FNBP1L: variants seen among roughly 807,000 people sequenced by gnomAD.
FNBP1L encodes formin-binding protein 1-like.
A neutral mutation model predicts 91.2 loss-of-function variants in FNBP1L; 36 were observed. That is an observed-to-expected ratio of 0.39 (90% CI 0.30 to 0.52). FNBP1L has a LOEUF of 0.52. Among genes scored for constraint, FNBP1L ranks in the 20% least tolerant of loss-of-function variants. The pLI, the probability that FNBP1L is intolerant of heterozygous loss-of-function variation, is 0.66. For missense variants in FNBP1L, 571 were observed against 732.1 expected (o/e 0.78, Z 2.54); for synonymous variants, 242 against 237.0 (o/e 1.02, Z -0.19).
intron 10 of FNBP1L, among the ~76,000 whole-genome samples, chr1:93,536,870 A>T (rs1671868233): frequency 6.6e-6 from 1 of 152,122 alleles, no homozygotes; most frequent in Non-Finnish European, 1.5e-5. Context: ...TTTATAAAAT[A>T]TTATTTTATT....
intron 6 of FNBP1L, 82 bp downstream of exon 6, chr1:93,529,838 C>A: frequency 1.2e-6 from 1 of 805,022 alleles, no homozygotes; most frequent in Non-Finnish European, 2.0e-6. Context: ...TGTATGACTA[C>A]AGTATTAGGA....
At chr1:93,459,632 A>G (rs1471175282) in intron 1 of FNBP1L, among the ~76,000 whole-genome samples, 1 of 152,230 alleles carries the variant, frequency 6.6e-6, no homozygotes, top group African/African-American at 2.4e-5. Flanking sequence ...GGGAATGTAA[A>G]TTAGTGCAGC....
intron 16 of FNBP1L, chr1:93,551,802 C>G: frequency 1.0e-6 from 1 of 985,316 alleles, no homozygotes; most frequent in Non-Finnish European, 1.2e-6. Context: ...TTGAGGTTAG[C>G]TGGTAATTTT....
intron 1 of FNBP1L, among the ~76,000 whole-genome samples, chr1:93,489,592 C>T (rs574012269): frequency 2.1e-4 from 32 of 151,606 alleles, no homozygotes; most frequent in Admixed American, 5.3e-4. Flanking sequence ...TTGGAAAGAT[C>T]GTTTGGGTAG....
chr1:93,453,604 C>G (rs1435027159), intron 1 of FNBP1L, among the ~76,000 whole-genome samples: 1 of 152,034 alleles, frequency 6.6e-6, no homozygotes, highest in Non-Finnish European at 1.5e-5. Context: ...CAAGTGCTGT[C>G]TTATTTAATA....
chr1:93,533,193 A>G, intron 8 of FNBP1L, 125 bp downstream of exon 8: 2 of 718,608 alleles, frequency 2.8e-6, no homozygotes, highest in Non-Finnish European at 4.2e-6. Context: ...ATTCTGTAGA[A>G]GAATGTCTTG....
At chr1:93,506,619 A>G (rs1670623707) in intron 2 of FNBP1L, among the ~76,000 whole-genome samples, 1 of 152,142 alleles carries the variant, frequency 6.6e-6, no homozygotes, top group African/African-American at 2.4e-5. Context: ...TATAAATAGG[A>G]TATTGATCAC....
At chr1:93,527,504 T>G (rs189819619) in intron 5 of FNBP1L, among the ~76,000 whole-genome samples, 32 of 152,304 alleles carry the variant, frequency 2.1e-4, no homozygotes, top group East Asian at 1.7e-3. Context: ...CCTGTTTGCT[T>G]CTTCTGAGGA....
chr1:93,552,118 A>C (rs1672433544), intron 16 of FNBP1L: 1 of 1,160,602 alleles, frequency 8.6e-7, no homozygotes, highest in Non-Finnish European at 1.1e-6. Context: ...AGGATAGATA[A>C]ATTTTTCCAA....
chr1:93,455,219 C>T (rs1668620920), intron 1 of FNBP1L, among the ~76,000 whole-genome samples: 1 of 152,164 alleles, frequency 6.6e-6, no homozygotes, highest in African/African-American at 2.4e-5. Context: ...TGAGCCACCC[C>T]ACCTGGCCTG....
At chr1:93,483,190 G>GAAAAA (rs76428254) in intron 1 of FNBP1L, among the ~76,000 whole-genome samples, 3 of 80,860 alleles carry the variant, frequency 3.7e-5, no homozygotes, top group African/African-American at 9.1e-5. Flanking sequence ...ACCCTGTCTC[G>GAAAAA]AAAAAAAAAA....
At chr1:93,480,097 C>T (rs1669640990) in intron 1 of FNBP1L, among the ~76,000 whole-genome samples, 1 of 152,118 alleles carries the variant, frequency 6.6e-6, no homozygotes, top group South Asian at 2.1e-4. Context: ...ATTTATGTTC[C>T]TCTGCCGCGG....
chr1:93,473,898 GA>G (rs531428030), intron 1 of FNBP1L, among the ~76,000 whole-genome samples: 36 of 152,304 alleles, frequency 2.4e-4, no homozygotes, highest in Middle Eastern at 3.4e-3. Context: ...GCTGTAGGCA[GA>G]AAGGGCTGCG....
intron 12 of FNBP1L, 81 bp from the exon 13 acceptor site, chr1:93,546,761 G>C: frequency 6.8e-7 from 1 of 1,468,410 alleles, no homozygotes; most frequent in Non-Finnish European, 9.3e-7. Flanking sequence ...CTGCGTACGA[G>C]TCCCCAGAGT....
At chr1:93,533,432 C>T (rs1341050513) in intron 8 of FNBP1L, among the ~76,000 whole-genome samples, 2 of 152,028 alleles carry the variant, frequency 1.3e-5, no homozygotes, top group Admixed American at 1.3e-4. Flanking sequence ...TGAGCTGGAT[C>T]AAGAAATGTG....
chr1:93,513,041 A>G (rs1278091613), intron 2 of FNBP1L, among the ~76,000 whole-genome samples: 2 of 152,192 alleles, frequency 1.3e-5, no homozygotes, highest in Admixed American at 6.5e-5. Flanking sequence ...CTAATAAAAA[A>G]AGAGAGAAGA....
chr1:93,506,405 TC>T (rs1286956091), intron 2 of FNBP1L, among the ~76,000 whole-genome samples: 1 of 152,154 alleles, frequency 6.6e-6, no homozygotes, highest in Non-Finnish European at 1.5e-5. Context: ...AGATCCAAAG[TC>T]TTACAACTTT....
Position 93,494,261 on chromosome 1 carries a change from T to C in FNBP1L, c.25-5207T>C, listed in dbSNP as rs191841541. 3.6e-3 allele frequency among the ~76,000 whole-genome samples: 545 copies of C among 152,282 alleles called. 2 individuals are homozygous for C. The highest frequency in any genetic ancestry group is 0.016 in the South Asian group (78 of 4,814). On this transcript the variant is annotated intron_variant, in intron 1 of 16. Coordinates refer to ENST00000271234, the MANE Select transcript of FNBP1L (RefSeq NM_001164473.3). Reference sequence around the variant, plus strand: ...ACAGATGAACAGCTAGATGAAGAGGTACCTAGGGTAAGATTTGGAAAGACC... The same window carrying C: ...ACAGATGAACAGCTAGATGAAGAGGCACCTAGGGTAAGATTTGGAAAGACC...
chr1:93,530,956 ACAT>A (rs1671655721), intron 7 of FNBP1L, 73 bp downstream of exon 7: 1 of 1,231,350 alleles, frequency 8.1e-7, no homozygotes, highest in African/African-American at 1.6e-5. Context: ...TAAGTCTTAG[ACAT>A]CAGAATCTTT....
Sources: allele counts gnomAD v4.1 joint callset (sites outside exome capture counted in the v4.1 genomes callset), GRCh38; gene constraint gnomAD v4.1.1; transcripts MANE v1.5; gene names NCBI Gene and HGNC (gene_info 2026-07-23, HGNC 2026-07-21).